The following AFF1 variants were observed in gnomAD, a reference collection of about 807,000 sequenced individuals.
The protein encoded by AFF1 is ALF transcription elongation factor 1.
A neutral mutation model predicts 121.7 loss-of-function variants in AFF1; 48 were observed. The observed-to-expected ratio is 0.39, with a 90% CI of 0.31 to 0.50. AFF1 has a LOEUF of 0.50. AFF1 is among the 20% of genes least tolerant of loss of function. AFF1 has a pLI of 0.76. For synonymous variants in AFF1, 613 were observed against 563.0 expected (o/e 1.09, Z -1.26); for missense variants, 1,523 against 1,511.7 (o/e 1.01, Z -0.12).
At chr4:87,031,145 C>T (rs919134211) in intron 2 of AFF1, among the ~76,000 whole-genome samples, 2 of 152,132 alleles carry the variant, frequency 1.3e-5, no homozygotes, top group Non-Finnish European at 2.9e-5. Flanking sequence ...AAGACGTTAT[C>T]GTCCCCACAG....
At chr4:87,007,234 G>A (rs1726232174) in intron 2 of AFF1, 3 of 1,475,752 alleles carry the variant, frequency 2.0e-6, no homozygotes, top group Non-Finnish European at 2.7e-6. Context: ...GCCGAGCCCG[G>A]GGCTGCGCCG....
At chr4:87,002,984 T>C (rs933903782) in intron 2 of AFF1, among the ~76,000 whole-genome samples, 3 of 152,234 alleles carry the variant, frequency 2.0e-5, no homozygotes, top group African/African-American at 7.2e-5. Flanking sequence ...GTGGGTTGGA[T>C]ACAATGGTGT....
intron 6 of AFF1, 137 bp downstream of exon 6, chr4:87,090,207 T>C (rs1239818484): frequency 1.6e-6 from 1 of 639,780 alleles, no homozygotes; most frequent in African/African-American, 1.8e-5. Context: ...ATTTAGCTTC[T>C]ACAGTGCTTC....
intron 8 of AFF1, among the ~76,000 whole-genome samples, chr4:87,102,904 T>C (rs891435722): frequency 2.6e-5 from 4 of 152,174 alleles, no homozygotes; most frequent in African/African-American, 9.7e-5. Context: ...TCTTCACATA[T>C]AGTATGTGCT....
chr4:87,046,911 C>G lies in AFF1; in HGVS notation c.376C>G (p.Pro126Ala), dbSNP rs750394594. 6.2e-7 allele frequency: 1 copy of G among 1,614,226 alleles called. No homozygotes were observed. Among genetic ancestry groups the G allele is most frequent in the Non-Finnish European group, 8.5e-7 (1 of 1,180,044 alleles). The stretch of plus-strand genomic sequence containing the variant: ...TGTCCACCACCAGTCCATTCACACT[C>G]CTGCGTCTGGACCACTTTCTGTTGG... ...TSVHHQSIHT[P>A]ASGPLSVGNI... is the part of the protein sequence containing the mutation. Residue 126 changes from proline to alanine, a missense_variant, in exon 4 of 21, where the codon CCT (proline) becomes GCT (alanine). Coordinates refer to ENST00000395146, the MANE Select transcript of AFF1 (RefSeq NM_001166693.3).
At chr4:86,974,900 C>T (rs751080157) in intron 2 of AFF1, among the ~76,000 whole-genome samples, 38 of 152,174 alleles carry the variant, frequency 2.5e-4, no homozygotes, top group Non-Finnish European at 4.4e-4. Context: ...TTTCCTTACC[C>T]TCTTTCATCT....
chr4:86,986,810 G>T (rs905247917), intron 2 of AFF1, among the ~76,000 whole-genome samples: 1 of 151,982 alleles, frequency 6.6e-6, no homozygotes, highest in Non-Finnish European at 1.5e-5. Flanking sequence ...TTAATATCAA[G>T]TAATAAACAT....
chr4:87,007,143 C>G (rs938549559), intron 2 of AFF1: 6 of 1,282,792 alleles, frequency 4.7e-6, no homozygotes, highest in Non-Finnish European at 5.9e-6. Context: ...ACGCGGCGCT[C>G]CCCGGGCTCG....
At chr4:87,122,287 G>C (rs571892196) in intron 12 of AFF1, among the ~76,000 whole-genome samples, 4 of 152,338 alleles carry the variant, frequency 2.6e-5, no homozygotes, top group South Asian at 4.1e-4. Context: ...TTAGGTGCTT[G>C]ATTGACAAGA....
intron 2 of AFF1, among the ~76,000 whole-genome samples, chr4:86,994,553 C>T (rs1338846805): frequency 6.6e-6 from 1 of 152,206 alleles, no homozygotes; most frequent in Non-Finnish European, 1.5e-5. Context: ...CAGTTCTCTG[C>T]TTCAGAAATT....
intron 2 of AFF1, among the ~76,000 whole-genome samples, chr4:86,996,351 T>C (rs1177414264): frequency 6.6e-6 from 1 of 151,898 alleles, no homozygotes; most frequent in Admixed American, 6.6e-5. Context: ...GAGGTAGACA[T>C]GGGAGACTTT....
At chr4:87,113,281 A>T (rs1011923829) in intron 11 of AFF1, among the ~76,000 whole-genome samples, 3 of 151,948 alleles carry the variant, frequency 2.0e-5, no homozygotes, top group Non-Finnish European at 4.4e-5. Context: ...GAGAGATTTG[A>T]TGTATGACCT....
At position 87,122,955 on chromosome 4, in the gene AFF1, C is replaced by T. The variant is rs146313295; in HGVS notation, c.2467-2082C>T. On this transcript the variant is annotated intron_variant, in intron 12 of 20. Coordinates refer to ENST00000395146, the MANE Select transcript of AFF1 (RefSeq NM_001166693.3). ...TGATGCCCAGGCTGGAGTGCAGTGG[C>T]GCAATCTCAGCTCACTGCACCCTCC... Among the ~76,000 whole-genome samples, 479 of 148,848 alleles carry T rather than the reference C, an allele frequency of 3.2e-3. 4 individuals are homozygous for T. The highest frequency in any genetic ancestry group is 0.011 in the African/African-American group (454 of 40,440).
chr4:87,022,918 T>C (rs1438093762), intron 2 of AFF1, among the ~76,000 whole-genome samples: 1 of 152,002 alleles, frequency 6.6e-6, no homozygotes, highest in African/African-American at 2.4e-5. Flanking sequence ...AATTTATTTA[T>C]TTAATATAGA....
chr4:87,077,401 G>A (rs1156965718), intron 4 of AFF1, among the ~76,000 whole-genome samples: 1 of 152,178 alleles, frequency 6.6e-6, no homozygotes, highest in East Asian at 1.9e-4. Flanking sequence ...TTCAGAGTAA[G>A]GTAAGTTACA....
At chr4:87,072,170 T>C (rs1722132461) in intron 4 of AFF1, among the ~76,000 whole-genome samples, 1 of 152,114 alleles carries the variant, frequency 6.6e-6, no homozygotes, top group African/African-American at 2.4e-5. Context: ...TAGACCATCC[T>C]GGCTAACACG....
chr4:87,087,346 A>C (rs573715302), intron 5 of AFF1, among the ~76,000 whole-genome samples: 12 of 152,240 alleles, frequency 7.9e-5, no homozygotes, highest in Non-Finnish European at 1.5e-4. Context: ...TGAATAATGC[A>C]ACAGGCCAGT....
chr4:86,986,379 A>G (rs994142910), intron 2 of AFF1, among the ~76,000 whole-genome samples: 1 of 152,070 alleles, frequency 6.6e-6, no homozygotes, highest in African/African-American at 2.4e-5. Flanking sequence ...CCCTGAATCC[A>G]TTATTTAAAG....
intron 2 of AFF1, among the ~76,000 whole-genome samples, chr4:86,954,470 C>T (rs1359248478): frequency 6.6e-6 from 1 of 152,002 alleles, no homozygotes; most frequent in Non-Finnish European, 1.5e-5. Context: ...GCCTGTAATC[C>T]CAGCACTTTG....
Sources: allele counts gnomAD v4.1 joint callset (sites outside exome capture counted in the v4.1 genomes callset), GRCh38; gene constraint gnomAD v4.1.1; transcripts MANE v1.5; gene names NCBI Gene and HGNC (gene_info 2026-07-23, HGNC 2026-07-21).